Variants in RPS23 observed in about 807,000 individuals in gnomAD.
The protein encoded by RPS23 is ribosomal protein S23.
For missense variants in RPS23, 73 were observed against 174.5 expected (o/e 0.42, Z 3.28); for synonymous variants, 66 against 60.4 (o/e 1.09, Z -0.43).
chr5:82,274,460 A>C lies in RPS23; in HGVS notation c.*1649T>G, dbSNP rs2112044036. On this transcript the variant is annotated 3_prime_UTR_variant, in exon 4 of 4. Coordinates refer to ENST00000296674, the MANE Select transcript of RPS23 (RefSeq NM_001025.5). ...GTGCAGCCAACAGGGTACAGCTGCA[A>C]GCCATTGTTGAAGGTGTCTTGACGT... The C allele has an allele frequency of 6.6e-6, 1 of 152,492 alleles. No homozygotes were observed. The allele number at this position is 152,492 out of a possible 1,614,324, so 9.4% of individuals were successfully genotyped here.
rs1167948336 is a variant in RPS23, at chr5:82,274,025, T to G, written c.*2084A>C. 3 of 152,270 alleles carry G rather than the reference T, an allele frequency of 2.0e-5. No homozygotes were observed. In the East Asian group the frequency reaches 5.8e-4, roughly 29 times the overall value. 9.4% of individuals were successfully genotyped at this position (152,270 alleles called of 1,614,324 possible). A position where few individuals can be genotyped will look rare whatever the true frequency, so the allele number is the denominator to read the frequency against. ...TTTTCAGTTTTATAGCTTTCCATTTTACATTTAGATATATGATCCATTTTG... is the reference window on the plus strand; with the variant it reads ...TTTTCAGTTTTATAGCTTTCCATTTGACATTTAGATATATGATCCATTTTG... On this transcript the variant is annotated 3_prime_UTR_variant, in exon 4 of 4. Transcript: ENST00000296674.
rs777652279 is a variant in RPS23 at position 82,278,305 on chromosome 5, G to A, written c.4+15C>T. On this transcript the variant is annotated intron_variant, in intron 1 of 3. Coordinates refer to ENST00000296674, the MANE Select transcript of RPS23 (RefSeq NM_001025.5). ...TCCCGCTTGCAGCGCCCTTAAACCG[G>A]CCACAACAGCTCACCCATCCTGTCG... is the stretch of plus-strand genomic sequence containing the variant. The A allele has an allele frequency of 2.5e-6, 4 of 1,609,690 alleles. 1 individual carries two copies. Among genetic ancestry groups the A allele is most frequent in the East Asian group, 2.2e-5 (1 of 44,620 alleles).
Position 82,274,978 on chromosome 5 carries a change from G to A in RPS23, c.*1131C>T, listed in dbSNP as rs1168745877. On this transcript the variant is annotated 3_prime_UTR_variant, in exon 4 of 4. Coordinates refer to ENST00000296674, the MANE Select transcript of RPS23 (RefSeq NM_001025.5). ...GAGGCTGGATATGGAACCCAAGTTT[G>A]AGGATGACCAACTGAGACCAGTGTT... is the stretch of plus-strand genomic sequence containing the variant. 13 of 497,894 alleles carry A rather than the reference G, an allele frequency of 2.6e-5. No homozygotes were observed. The South Asian group carries it at 3.5e-4, about 14-fold the overall frequency. The allele number at this position is 497,894 out of a possible 1,614,324, so 30.8% of individuals were successfully genotyped here. A position where few individuals can be genotyped will look rare whatever the true frequency, so the allele number is the denominator to read the frequency against.
At position 82,276,387 on chromosome 5, in the gene RPS23, G is replaced by A; in HGVS notation, c.285+11C>T. ...CAAGAACAGAAGGTACGATAGAGTT[G>A]AAATACTCACCTCAATAAAGTTCAA... On this transcript the variant is annotated intron_variant, in intron 3 of 3. Coordinates refer to ENST00000296674, the MANE Select transcript of RPS23 (RefSeq NM_001025.5). The A allele has an allele frequency of 6.2e-7, 1 of 1,613,928 alleles. No individual in the cohort carries two copies. The highest frequency in any genetic ancestry group is 8.5e-7 in the Non-Finnish European group (1 of 1,179,838).
Position 82,275,633 on chromosome 5 carries a change from T to C in RPS23, c.*476A>G. 6.1e-6 allele frequency: 2 copies of C among 330,012 alleles called. No homozygotes were observed. The highest frequency in any genetic ancestry group is 6.5e-5 in the South Asian group (1 of 15,322). 20.4% of individuals were successfully genotyped at this position (330,012 alleles called of 1,614,324 possible). A position where few individuals can be genotyped will look rare whatever the true frequency, so the allele number is the denominator to read the frequency against. On this transcript the variant is annotated 3_prime_UTR_variant, in exon 4 of 4. Coordinates refer to ENST00000296674, the MANE Select transcript of RPS23 (RefSeq NM_001025.5). ...AATTTTGAGTTTACTATTTATCATC[T>C]TGGGCCCCTGTAAGATGGATACAAG...
Position 82,275,796 on chromosome 5 carries a change from C to A in RPS23, c.*313G>T, listed in dbSNP as rs1747760543. ...GAATTTCAGTGAGTTTTTGAAGTTC[C>A]CTTAAAGTTCTTAAAGTAATACTAC... is the stretch of plus-strand genomic sequence containing the variant. On this transcript the variant is annotated 3_prime_UTR_variant, in exon 4 of 4. Transcript: ENST00000296674. 6.9e-6 allele frequency: 2 copies of A among 290,434 alleles called. No homozygotes were observed. 18.0% of individuals were successfully genotyped at this position (290,434 alleles called of 1,614,324 possible). A position where few individuals can be genotyped will look rare whatever the true frequency, so the allele number is the denominator to read the frequency against.
chr5:82,275,539 A>T lies in RPS23; in HGVS notation c.*570T>A, dbSNP rs960078383. ...AATGATCCAATGCCTGTATTCTCCT[A>T]AACACATTAATGTAGACACATTACA... On this transcript the variant is annotated 3_prime_UTR_variant, in exon 4 of 4. Transcript: ENST00000296674. 4 of 570,080 alleles carry T rather than the reference A, an allele frequency of 7.0e-6. No homozygotes were observed. The African/African-American group carries it at 7.5e-5, about 11-fold the overall frequency. 35.3% of individuals were successfully genotyped at this position (570,080 alleles called of 1,614,324 possible). A position where few individuals can be genotyped will look rare whatever the true frequency, so the allele number is the denominator to read the frequency against.
Position 82,275,024 on chromosome 5 carries a change from GGA to G in RPS23, c.*1083_*1084del. ...GTGTTGCTGGAGCACAAAGTGCCAA[GGA>G]GAGAAATGGCAGGCTAAGGCTGGAA... On this transcript the variant is annotated 3_prime_UTR_variant, in exon 4 of 4. Coordinates refer to ENST00000296674, the MANE Select transcript of RPS23 (RefSeq NM_001025.5). 1.8e-6 allele frequency: 1 copy of G among 567,818 alleles called. No individual in the cohort carries two copies. Among genetic ancestry groups the G allele is most frequent in the Non-Finnish European group, 3.1e-6 (1 of 318,778 alleles). The allele number at this position is 567,818 out of a possible 1,614,324, so 35.2% of individuals were successfully genotyped here.
rs1747998118 is a variant in RPS23 at position 82,278,198 on chromosome 5, C to T, written c.4+122G>A. The T allele has an allele frequency of 1.2e-5, 12 of 1,000,250 alleles. 1 individual carries two copies. The highest frequency in any genetic ancestry group is 6.1e-5 in the South Asian group (4 of 65,746). 62.0% of individuals were successfully genotyped at this position (1,000,250 alleles called of 1,614,324 possible). On this transcript the variant is annotated intron_variant, in intron 1 of 3. Coordinates refer to ENST00000296674, the MANE Select transcript of RPS23 (RefSeq NM_001025.5). ...CGTGCCTCCTGGAGCGGCGCTTCCC[C>T]GGCCCTCCCCCATGGAGCCTCTCCA... is the stretch of plus-strand genomic sequence containing the variant.
Position 82,275,995 on chromosome 5 carries a change from G to A in RPS23, c.*114C>T. ...GCTGGTTTAGGATAAAAAAAATAAG[G>A]GGGGGTGGTGGTGGTAATGAACATG... On this transcript the variant is annotated 3_prime_UTR_variant, in exon 4 of 4. Coordinates refer to ENST00000296674, the MANE Select transcript of RPS23 (RefSeq NM_001025.5). 3 of 978,988 alleles carry A rather than the reference G, an allele frequency of 3.1e-6. No homozygotes were observed. Among genetic ancestry groups the A allele is most frequent in the Admixed American group, 2.6e-5 (1 of 37,846 alleles). 60.6% of individuals were successfully genotyped at this position (978,988 alleles called of 1,614,324 possible). A position where few individuals can be genotyped will look rare whatever the true frequency, so the allele number is the denominator to read the frequency against.
rs560448766 is a variant in RPS23 at position 82,274,049 on chromosome 5, T to C, written c.*2060A>G. 1 of 152,290 alleles carries C rather than the reference T, an allele frequency of 6.6e-6. No homozygotes were observed. Among genetic ancestry groups the C allele is most frequent in the East Asian group, 2.0e-4 (1 of 5,110 alleles). The allele number at this position is 152,290 out of a possible 1,614,324, so 9.4% of individuals were successfully genotyped here. ...TTACATTTAGATATATGATCCATTT[T>C]GAGTTAAGTTTGTATTACATGTAAG... On this transcript the variant is annotated 3_prime_UTR_variant, in exon 4 of 4. Transcript: ENST00000296674.
rs185816437 is a variant in RPS23 at position 82,275,192 on chromosome 5, A to G, written c.*917T>C. On this transcript the variant is annotated 3_prime_UTR_variant, in exon 4 of 4. Transcript: ENST00000296674. The stretch of plus-strand genomic sequence containing the variant: ...AAAGCTAGGCTTTGATCAAAGGGCT[A>G]ATTAACCCATACTTACTATTTGTTA... 54 of 702,374 alleles carry G rather than the reference A, an allele frequency of 7.7e-5. 2 individuals are homozygous for G. In the East Asian group the frequency reaches 1.4e-3, roughly 18 times the overall value. The allele number at this position is 702,374 out of a possible 1,614,324, so 43.5% of individuals were successfully genotyped here.
rs1175483938 is a variant in RPS23, at chr5:82,275,301, A to G, written c.*808T>C. On this transcript the variant is annotated 3_prime_UTR_variant, in exon 4 of 4. Transcript: ENST00000296674. ...CCACTGTATCCATGAAAACTCTGAA[A>G]CAAGTATTTGTGGACAGCAAAATCC... 5 of 702,504 alleles carry G rather than the reference A, an allele frequency of 7.1e-6. No individual in the cohort carries two copies. The highest frequency in any genetic ancestry group is 1.3e-5 in the Non-Finnish European group (5 of 385,008). The allele number at this position is 702,504 out of a possible 1,614,324, so 43.5% of individuals were successfully genotyped here.
intron 1 of RPS23, 185 bp from the exon 2 acceptor site, chr5:82,278,037 G>C (rs1241817618): frequency 4.5e-6 from 3 of 659,424 alleles, no homozygotes; most frequent in Non-Finnish European, 5.2e-6. Context: ...GTTCGAAGAG[G>C]GCTCCGGAGA....
rs1747752105 is a variant in RPS23 at position 82,275,428 on chromosome 5, T to A, written c.*681A>T. The A allele has an allele frequency of 1.6e-6, 1 of 631,768 alleles. No homozygotes were observed. Among genetic ancestry groups the A allele is most frequent in the African/African-American group, 2.1e-5 (1 of 46,692 alleles). 39.1% of individuals were successfully genotyped at this position (631,768 alleles called of 1,614,324 possible). A position where few individuals can be genotyped will look rare whatever the true frequency, so the allele number is the denominator to read the frequency against. ...ACTAGTCTTTGAAGACATGAAGGTC[T>A]CTGACAACCTCATGAGAAGATACTG... is the stretch of plus-strand genomic sequence containing the variant. On this transcript the variant is annotated 3_prime_UTR_variant, in exon 4 of 4. Coordinates refer to ENST00000296674, the MANE Select transcript of RPS23 (RefSeq NM_001025.5).
intron 2 of RPS23, chr5:82,276,728 A>G (rs886111292): frequency 9.7e-6 from 6 of 619,816 alleles, no homozygotes; most frequent in African/African-American, 5.5e-5. Flanking sequence ...TACAGTTATA[A>G]AAGTAGACTG....
At chr5:82,278,144 G>T in intron 1 of RPS23, 176 bp downstream of exon 1, 1 of 837,618 alleles carries the variant, frequency 1.2e-6, no homozygotes, top group Non-Finnish European at 1.9e-6. Context: ...CGGCCTCCAC[G>T]CCTCATGGGC....
rs1473005751 is a variant in RPS23 at position 82,273,830 on chromosome 5, TG to T, written c.*2278del. 4 of 152,376 alleles carry T rather than the reference TG, an allele frequency of 2.6e-5. No individual in the cohort carries two copies. Among genetic ancestry groups the T allele is most frequent in the Non-Finnish European group, 2.9e-5 (2 of 68,038 alleles). The allele number at this position is 152,376 out of a possible 1,614,324, so 9.4% of individuals were successfully genotyped here. ...TTCCCAACTCAGCCTCCCAAAGTGC[TG>T]GGATTACAGGCATGAACCACAGCGC... On this transcript the variant is annotated 3_prime_UTR_variant, in exon 4 of 4. Coordinates refer to ENST00000296674, the MANE Select transcript of RPS23 (RefSeq NM_001025.5).
Position 82,274,992 on chromosome 5 carries a change from G to C in RPS23, c.*1117C>G. 1 of 527,234 alleles carries C rather than the reference G, an allele frequency of 1.9e-6. No homozygotes were observed. 32.7% of individuals were successfully genotyped at this position (527,234 alleles called of 1,614,324 possible). ...AACCCAAGTTTGAGGATGACCAACT[G>C]AGACCAGTGTTGCTGGAGCACAAAG... On this transcript the variant is annotated 3_prime_UTR_variant, in exon 4 of 4. Transcript: ENST00000296674.
Sources: gnomAD v4.1 joint callset for allele counts on GRCh38, gnomAD v4.1.1 for gene constraint, MANE v1.5 for transcripts, NCBI Gene and HGNC (gene_info 2026-07-23, HGNC 2026-07-21) for gene names.